TOGARAM2: variants seen among roughly 807,000 people sequenced by gnomAD.
TOGARAM2 encodes the protein TOG array regulator of axonemal microtubules protein 2.
Under a neutral mutation model 93.3 loss-of-function variants are expected in TOGARAM2, and 85 were observed. That is an observed-to-expected ratio of 0.91 (90% confidence interval 0.76 to 1.09). TOGARAM2 has a LOEUF of 1.09. Ranked by LOEUF, TOGARAM2 falls within the 50% of genes least tolerant of loss-of-function variation. The pLI, the probability that TOGARAM2 is intolerant of heterozygous loss-of-function variation, is 0.00. For missense variants in TOGARAM2, 1,277 were observed against 1,334.5 expected, an observed-to-expected ratio of 0.96 and a Z score of 0.67; for synonymous variants, 593 against 552.8, an observed-to-expected ratio of 1.07 and a Z score of -1.02.
chr2:29,025,381 G>A (rs928609121), intron 13 of TOGARAM2, among the ~76,000 whole-genome samples: 2 of 147,052 alleles, frequency 1.4e-5, no homozygotes, highest in African/African-American at 5.1e-5. Context: ...TAACTTAGGA[G>A]AAATGAATTG....
intron 3 of TOGARAM2, 67 bp from the exon 4 acceptor site, chr2:28,999,114 G>T: frequency 6.7e-7 from 1 of 1,492,018 alleles, no homozygotes; most frequent in South Asian, 1.3e-5. Flanking sequence ...ATGTCAAGGA[G>T]CTTGCTGGTG....
chr2:29,006,948 A>G (rs1302772353), intron 6 of TOGARAM2, among the ~76,000 whole-genome samples: 1 of 151,938 alleles, frequency 6.6e-6, no homozygotes, highest in Non-Finnish European at 1.5e-5. Context: ...ACTTTTTTGC[A>G]TCATTTGAAC....
rs868026367 is a variant in TOGARAM2 at position 29,026,987 on chromosome 2, C to A, written c.1988C>A (p.Ala663Glu). Residue 663 changes from alanine (A) to glutamate (E), a missense_variant, in exon 14 of 20, where the codon GCA becomes GAA. Physicochemically the swap from Ala to Glu is moderately radical, Grantham distance 107 (BLOSUM62 -1). Transcript: ENST00000379558. The part of the protein sequence containing the change: ...DMLVHNLVRL[A>E]QDSNQDTRFY... ...TTGGTGCACAACCTGGTGAGGCTGG[C>A]ACAGGACTCCAACCAGGACACCAGG... The A allele has an allele frequency of 1.3e-6, 2 of 1,563,072 alleles. No individual in the cohort carries two copies.
At chr2:28,970,921 G>C (rs1477993828) in intron 1 of TOGARAM2, 1 of 152,224 alleles carries the variant, frequency 6.6e-6, no homozygotes, top group Admixed American at 6.5e-5. Flanking sequence ...CCAGTGCCCA[G>C]AGACCTCTGG....
At chr2:28,990,976 TGTGTGTGTGTGAAGG>T (rs1324877548) in intron 1 of TOGARAM2, among the ~76,000 whole-genome samples, 1 of 145,480 alleles carries the variant, frequency 6.9e-6, no homozygotes, top group African/African-American at 2.6e-5. Flanking sequence ...CATGCGAGTG[TGTGTGTGTGTGAAGG>T]GTGTGTGTGT....
Position 29,051,968 on chromosome 2 carries a change from G to A in TOGARAM2, c.2935G>A (p.Val979Ile), listed in dbSNP as rs370197998. The change falls in exon 20 of 20, where the codon GTC (valine) becomes ATC (isoleucine). Residue 979 changes from valine (V) to isoleucine (I), a missense_variant. Transcript: ENST00000379558. ...LDFAASQPKH[V>I]LKTLQELLDS... ...CTTTGCCGCCAGCCAGCCAAAGCAC[G>A]TCCTCAAGACGCTCCAGGAACTCTT... is the stretch of plus-strand genomic sequence containing the variant. The A allele has an allele frequency of 2.5e-6, 4 of 1,612,236 alleles. No individual in the cohort carries two copies. The highest frequency in any genetic ancestry group is 2.5e-6 in the Non-Finnish European group (3 of 1,179,434).
chr2:28,960,191 A>G (rs1329946264), intron 1 of TOGARAM2, among the ~76,000 whole-genome samples: 2 of 152,182 alleles, frequency 1.3e-5, no homozygotes, highest in Non-Finnish European at 2.9e-5. Flanking sequence ...GTGTGCATAT[A>G]TTTATTTTTG....
At chr2:28,979,266 C>T (rs1269527044), upstream of TOGARAM2, among the ~76,000 whole-genome samples, 1 of 152,164 alleles carries the variant, frequency 6.6e-6, no homozygotes, top group Non-Finnish European at 1.5e-5. Flanking sequence ...CCTCACTGCC[C>T]CTGGGATTCG....
chr2:29,022,033 C>T lies in TOGARAM2; in HGVS notation c.1361-125C>T, dbSNP rs1481773107. ...TCACCAGGCACTTCCACTTGTACAC[C>T]CTCCCTGTTAGGTGGGCTCAGGGTG... On this transcript the variant is annotated intron_variant, in intron 10 of 19. Coordinates refer to ENST00000379558, the MANE Select transcript of TOGARAM2 (RefSeq NM_199280.4). 5.4e-6 allele frequency: 7 copies of T among 1,288,284 alleles called. No homozygotes were observed. In the Admixed American group the frequency reaches 1.3e-4, roughly 24 times the overall value. The allele number at this position is 1,288,284 out of a possible 1,614,324, so 79.8% of individuals were successfully genotyped here. A position where few individuals can be genotyped will look rare whatever the true frequency, so the allele number is the denominator to read the frequency against.
chr2:28,974,584 C>G (rs1436968490), intron 1 of TOGARAM2, among the ~76,000 whole-genome samples: 1 of 151,850 alleles, frequency 6.6e-6, no homozygotes, highest in African/African-American at 2.4e-5. Context: ...TTGTTGTAGT[C>G]CCACGGTCCC....
chr2:29,029,851 T>A (rs1333907209), intron 14 of TOGARAM2, among the ~76,000 whole-genome samples: 1 of 151,852 alleles, frequency 6.6e-6, no homozygotes, highest in Non-Finnish European at 1.5e-5. Flanking sequence ...GGGTTCAATG[T>A]ATACTGCTCG....
At chr2:28,957,679 A>G (rs1390292391) in intron 1 of TOGARAM2, among the ~76,000 whole-genome samples, 2 of 152,118 alleles carry the variant, frequency 1.3e-5, no homozygotes, top group South Asian at 2.1e-4. Context: ...GGCAACATTG[A>G]TAAGGTTTGT....
At chr2:29,048,868 T>TTTTTTTG (rs1666904670) in intron 19 of TOGARAM2, 1 of 134,942 alleles carries the variant, frequency 7.4e-6, no homozygotes, top group African/African-American at 2.6e-5. Context: ...TTTTTTTTTT[T>TTTTTTTG]AGACAGAGTC....
intron 6 of TOGARAM2, among the ~76,000 whole-genome samples, chr2:29,005,925 G>A (rs913092390): frequency 6.7e-6 from 1 of 149,044 alleles, no homozygotes; most frequent in African/African-American, 2.5e-5. Flanking sequence ...GTGCATGTGT[G>A]TGGAGTGTGT....
At chr2:29,014,702 C>T (rs765325185) in intron 8 of TOGARAM2, 141 bp downstream of exon 8, 23 of 1,095,120 alleles carry the variant, frequency 2.1e-5, no homozygotes, top group Non-Finnish European at 2.9e-5. Flanking sequence ...CACCCAAGTA[C>T]TAAAGGCCAG....
At chr2:28,959,571 C>G (rs1420308306) in intron 1 of TOGARAM2, among the ~76,000 whole-genome samples, 1 of 151,962 alleles carries the variant, frequency 6.6e-6, no homozygotes, top group Non-Finnish European at 1.5e-5. Flanking sequence ...GGCTAACATG[C>G]TGAAACCCCA....
chr2:29,045,438 C>CCCCAAG, intron 19 of TOGARAM2, 28 bp downstream of exon 19: 1 of 1,579,704 alleles, frequency 6.3e-7, no homozygotes, highest in Non-Finnish European at 8.7e-7. Flanking sequence ...CACCCCACCC[C>CCCCAAG]ATCTCCTGGC....
chr2:29,009,842 G>A (rs911697112), intron 6 of TOGARAM2, among the ~76,000 whole-genome samples: 5 of 152,240 alleles, frequency 3.3e-5, no homozygotes, highest in East Asian at 1.9e-4. Context: ...TGTGAGGTTC[G>A]CACAGGGTGG....
At chr2:29,028,166 T>C (rs1665527626) in intron 14 of TOGARAM2, among the ~76,000 whole-genome samples, 1 of 152,132 alleles carries the variant, frequency 6.6e-6, no homozygotes, top group Non-Finnish European at 1.5e-5. Flanking sequence ...GATGAGTGTG[T>C]AGGTCTCCAC....
Sources: allele counts gnomAD v4.1 joint callset (sites outside exome capture counted in the v4.1 genomes callset), GRCh38; gene constraint gnomAD v4.1.1; transcripts MANE v1.5; gene names NCBI Gene and HGNC (gene_info 2026-07-23, HGNC 2026-07-21).